Variants in BCAR3 observed in about 807,000 individuals in gnomAD.
The protein encoded by BCAR3 is BCAR3 adaptor protein, NSP family member.
In BCAR3, 37 loss-of-function variants were observed where a neutral mutation model predicts 80.1. The observed-to-expected ratio is 0.46, with a 90% confidence interval of 0.36 to 0.61. The LOEUF (loss-of-function observed/expected upper bound fraction) is 0.61. Ranked by LOEUF, BCAR3 falls within the 20% of genes least tolerant of loss-of-function variation. The pLI is 0.00. For missense variants in BCAR3, 978 were observed against 1,068.2 expected (o/e 0.92, Z 1.18); for synonymous variants, 389 against 418.9 (o/e 0.93, Z 0.87).
chr1:93,660,404 T>TA (rs1647595827), intron 2 of BCAR3, among the ~76,000 whole-genome samples: 1 of 152,164 alleles, frequency 6.6e-6, no homozygotes, highest in African/African-American at 2.4e-5. Flanking sequence ...TGAACATGTT[T>TA]AAAATACCAG....
intron 11 of BCAR3, among the ~76,000 whole-genome samples, chr1:93,564,227 T>C (rs1672828392): frequency 6.6e-6 from 1 of 152,056 alleles, no homozygotes; most frequent in Admixed American, 6.5e-5. Flanking sequence ...TTATCAGATA[T>C]ATGTGTACTC....
At chr1:93,662,466 T>A (rs376054) in intron 2 of BCAR3, among the ~76,000 whole-genome samples, 3,356 of 152,120 alleles carry the variant, frequency 0.022, 120 homozygotes, top group African/African-American at 0.075. Flanking sequence ...CTCTTTTTTT[T>A]TAAAAAAAAA....
At chr1:93,695,205 A>T (rs1337671873) in intron 3 of BCAR3, among the ~76,000 whole-genome samples, 1 of 152,130 alleles carries the variant, frequency 6.6e-6, no homozygotes, top group Admixed American at 6.5e-5. Context: ...CTGGACCCAT[A>T]TCCTTCTGTT....
intron 3 of BCAR3, among the ~76,000 whole-genome samples, chr1:93,691,305 C>T (rs1649177651): frequency 6.6e-6 from 1 of 152,204 alleles, no homozygotes; most frequent in Non-Finnish European, 1.5e-5. Flanking sequence ...AACAGCCTCC[C>T]ATTACTTCAC....
At chr1:93,719,002 G>A (rs190967252) in intron 2 of BCAR3, among the ~76,000 whole-genome samples, 8 of 151,982 alleles carry the variant, frequency 5.3e-5, no homozygotes, top group Admixed American at 3.3e-4. Context: ...ACGCCCAGCT[G>A]AAGTATATTC....
chr1:93,642,784 T>C (rs774799094), intron 2 of BCAR3, among the ~76,000 whole-genome samples: 14 of 152,026 alleles, frequency 9.2e-5, no homozygotes, highest in Non-Finnish European at 1.9e-4. Context: ...AGAGAGAGGC[T>C]TAGGTGGGTG....
At chr1:93,745,727 T>A (rs1348024795) in intron 2 of BCAR3, among the ~76,000 whole-genome samples, 1 of 152,216 alleles carries the variant, frequency 6.6e-6, no homozygotes, top group Admixed American at 6.5e-5. Flanking sequence ...TAGTTCCCCA[T>A]CTGAAAAGTA....
chr1:93,803,157 A>T (rs1205130998), intron 2 of BCAR3, among the ~76,000 whole-genome samples: 1 of 152,156 alleles, frequency 6.6e-6, no homozygotes, highest in Non-Finnish European at 1.5e-5. Flanking sequence ...ACATGCCATG[A>T]GGGATCTCCT....
At chr1:93,843,740 T>C (rs1051471055) in intron 2 of BCAR3, among the ~76,000 whole-genome samples, 8 of 152,256 alleles carry the variant, frequency 5.3e-5, no homozygotes, top group Non-Finnish European at 1.2e-4. Flanking sequence ...CTTTTTCACA[T>C]GCTACCTTGC....
chr1:93,772,208 G>A (rs1378769153), intron 2 of BCAR3, among the ~76,000 whole-genome samples: 4 of 152,204 alleles, frequency 2.6e-5, no homozygotes, highest in Non-Finnish European at 5.9e-5. Flanking sequence ...GCCACTGAAG[G>A]CTTTTAAGCA....
At chr1:93,680,435 T>C (rs545589355) in intron 1 of BCAR3, among the ~76,000 whole-genome samples, 2 of 152,308 alleles carry the variant, frequency 1.3e-5, no homozygotes, top group South Asian at 4.1e-4. Flanking sequence ...CTTCCCATTG[T>C]TACCCGGGTA....
intron 11 of BCAR3, 72 bp from the exon 12 acceptor site, chr1:93,562,491 C>A: frequency 6.8e-7 from 1 of 1,474,238 alleles, no homozygotes; most frequent in Non-Finnish European, 9.2e-7. Context: ...CTGAAAGCAC[C>A]AGGCGCGGTG....
chr1:93,582,179 G>T (rs1673733600), intron 7 of BCAR3, 122 bp downstream of exon 7: 3 of 1,264,746 alleles, frequency 2.4e-6, no homozygotes, highest in South Asian at 3.0e-5. Context: ...TAATGGGTGA[G>T]GCAGAGTGAG....
At chr1:93,653,897 G>A (rs151004832) in intron 2 of BCAR3, among the ~76,000 whole-genome samples, 88 of 152,314 alleles carry the variant, frequency 5.8e-4, no homozygotes, top group African/African-American at 1.9e-3. Flanking sequence ...AGCTGTTCAG[G>A]AGTCAATGCC....
At chr1:93,762,460 A>G (rs1166818935) in intron 2 of BCAR3, among the ~76,000 whole-genome samples, 1 of 152,170 alleles carries the variant, frequency 6.6e-6, no homozygotes, top group Non-Finnish European at 1.5e-5. Flanking sequence ...GTGTACACCC[A>G]GTGGCAGTAG....
At chr1:93,842,148 C>CCTTTTTT (rs60204868) in intron 2 of BCAR3, among the ~76,000 whole-genome samples, 1 of 143,428 alleles carries the variant, frequency 7.0e-6, no homozygotes, top group African/African-American at 2.6e-5. Context: ...ACCTGTCATC[C>CCTTTTTT]TTTTTTTTTT....
intron 7 of BCAR3, among the ~76,000 whole-genome samples, chr1:93,578,977 G>A (rs995965659): frequency 3.3e-5 from 5 of 152,230 alleles, no homozygotes; most frequent in Non-Finnish European, 5.9e-5. Flanking sequence ...GCAGAGGCAG[G>A]ATTCAGGCTC....
intron 2 of BCAR3, among the ~76,000 whole-genome samples, chr1:93,736,204 T>G (rs1650964514): frequency 2.0e-5 from 3 of 152,234 alleles, no homozygotes; most frequent in Non-Finnish European, 4.4e-5. Flanking sequence ...TTTTTGTTTT[T>G]GAGATGGAGT....
At chr1:93,727,263 C>T (rs552745108) in intron 2 of BCAR3, among the ~76,000 whole-genome samples, 64 of 152,274 alleles carry the variant, frequency 4.2e-4, no homozygotes, top group South Asian at 1.7e-3. Context: ...CTTAAGAGGT[C>T]CCTGGATTTA....
Sources: allele counts gnomAD v4.1 joint callset (sites outside exome capture counted in the v4.1 genomes callset), GRCh38; gene constraint gnomAD v4.1.1; transcripts MANE v1.5; gene names NCBI Gene and HGNC (gene_info 2026-07-23, HGNC 2026-07-21).